The following CHL1 variants were observed in gnomAD, a reference collection of about 807,000 sequenced individuals.
CHL1 encodes neural cell adhesion molecule L1-like protein.
CHL1 carries 96 observed loss-of-function variants against 141.9 expected under a neutral mutation model. The observed-to-expected ratio is 0.68, with a 90% confidence interval of 0.57 to 0.80. CHL1 has a LOEUF of 0.80. Ranked by LOEUF, CHL1 falls within the 30% of genes least tolerant of loss-of-function variation. The pLI is 0.00. For synonymous variants in CHL1, 613 were observed against 502.2 expected (o/e 1.22, Z -2.95); for missense variants, 1,820 against 1,457.2 (o/e 1.25, Z -4.05).
chr3:354,283 T>C (rs1005454806), intron 10 of CHL1, among the ~76,000 whole-genome samples: 1 of 152,188 alleles, frequency 6.6e-6, no homozygotes, highest in Non-Finnish European at 1.5e-5. Context: ...AAATAACCTG[T>C]AGTGAGCTCT....
At chr3:345,365 C>A (rs1261191812) in intron 9 of CHL1, among the ~76,000 whole-genome samples, 1 of 152,020 alleles carries the variant, frequency 6.6e-6, no homozygotes, top group Non-Finnish European at 1.5e-5. Context: ...ACATGGAGGT[C>A]CAGACCATGT....
At chr3:215,793 C>T (rs1316575135) in intron 1 of CHL1, among the ~76,000 whole-genome samples, 1 of 152,092 alleles carries the variant, frequency 6.6e-6, no homozygotes, top group African/African-American at 2.4e-5. Context: ...ATTGAAGCAT[C>T]TCTTTCAAGA....
chr3:354,712 A>G lies in CHL1; in HGVS notation c.1106A>G (p.Glu369Gly). The G allele has an allele frequency of 1.2e-6, 2 of 1,614,014 alleles. No homozygotes were observed. The highest frequency in any genetic ancestry group is 1.7e-6 in the Non-Finnish European group (2 of 1,179,926). ...STGSNGILLC[E>G]AEGEPQPTIK... ...GGAAGCAATGGCATCTTGTTATGTGAGGCTGAAGGAGAACCTCAACCCACA... is the reference window on the plus strand; with the variant it reads ...GGAAGCAATGGCATCTTGTTATGTGGGGCTGAAGGAGAACCTCAACCCACA... Residue 369 changes from glutamate to glycine, a missense_variant, in exon 11 of 28, where the codon GAG becomes GGG. Glu to Gly is a moderately conservative substitution (Grantham distance 98, BLOSUM62 -2). Transcript: ENST00000256509.
At chr3:392,723 G>C (rs1175827482) in intron 23 of CHL1, among the ~76,000 whole-genome samples, 2 of 152,192 alleles carry the variant, frequency 1.3e-5, no homozygotes, top group African/African-American at 4.8e-5. Flanking sequence ...ATCAGCTCAA[G>C]ACTTCCAGCA....
chr3:217,460 C>T (rs1700423208), intron 1 of CHL1: 1 of 151,922 alleles, frequency 6.6e-6, no homozygotes, highest in African/African-American at 2.4e-5. Context: ...AAACAAAGGA[C>T]TGTGATAGAA....
At chr3:264,452 A>G (rs1373475591) in intron 2 of CHL1, among the ~76,000 whole-genome samples, 1 of 152,174 alleles carries the variant, frequency 6.6e-6, no homozygotes, top group Non-Finnish European at 1.5e-5. Context: ...AACAACAATG[A>G]GAATACTTGC....
chr3:334,864 G>A (rs1365890039), intron 5 of CHL1, among the ~76,000 whole-genome samples: 1 of 152,140 alleles, frequency 6.6e-6, no homozygotes, highest in Non-Finnish European at 1.5e-5. Flanking sequence ...TTCCCGTTCT[G>A]CATTGCCTTG....
chr3:242,399 A>T (rs9878435), intron 1 of CHL1, among the ~76,000 whole-genome samples: 2 of 140,338 alleles, frequency 1.4e-5, no homozygotes, highest in African/African-American at 2.7e-5. Flanking sequence ...GATCGAGACC[A>T]TCCTGGCTAA....
intron 9 of CHL1, among the ~76,000 whole-genome samples, chr3:346,830 G>A (rs935585887): frequency 2.0e-5 from 3 of 152,048 alleles, no homozygotes; most frequent in African/African-American, 7.2e-5. Context: ...ACCTCCTATA[G>A]TAACAAAAAT....
At chr3:244,399 C>T (rs1692962103) in intron 1 of CHL1, among the ~76,000 whole-genome samples, 1 of 152,178 alleles carries the variant, frequency 6.6e-6, no homozygotes, top group Non-Finnish European at 1.5e-5. Context: ...TGCCTGCCCT[C>T]TCTCCTCCTT....
chr3:381,555 C>T (rs534485793), intron 16 of CHL1, among the ~76,000 whole-genome samples: 2 of 152,266 alleles, frequency 1.3e-5, no homozygotes, highest in East Asian at 3.9e-4. Flanking sequence ...TTACACATTG[C>T]TTTATGCCTA....
intron 23 of CHL1, among the ~76,000 whole-genome samples, chr3:393,824 AGTTT>A (rs1275304652): frequency 2.0e-5 from 3 of 152,096 alleles, no homozygotes; most frequent in African/African-American, 4.8e-5. Flanking sequence ...TTGAATGCCT[AGTTT>A]GTTTGTTTTT....
At chr3:268,876 TA>T (rs1389708645) in intron 2 of CHL1, among the ~76,000 whole-genome samples, 6 of 152,216 alleles carry the variant, frequency 3.9e-5, no homozygotes, top group Non-Finnish European at 8.8e-5. Flanking sequence ...AATACAGGGT[TA>T]AAGGCAGAGC....
intron 1 of CHL1, among the ~76,000 whole-genome samples, chr3:216,734 A>C (rs533455023): frequency 6.6e-6 from 1 of 152,358 alleles, no homozygotes; most frequent in South Asian, 2.1e-4. Context: ...GAGGCTGCTA[A>C]ATATGGCCAA....
At chr3:216,274 T>C (rs1700312576) in intron 1 of CHL1, among the ~76,000 whole-genome samples, 1 of 152,210 alleles carries the variant, frequency 6.6e-6, no homozygotes, top group Non-Finnish European at 1.5e-5. Flanking sequence ...AACTATATCT[T>C]TAAGGGTGTT....
chr3:248,612 T>C (rs1272343000), intron 2 of CHL1: 2 of 152,224 alleles, frequency 1.3e-5, no homozygotes, highest in Admixed American at 6.6e-5. Flanking sequence ...GTTTCCTCTG[T>C]CCCTCTGTTT....
At chr3:270,851 C>G (rs1375102937) in intron 2 of CHL1, among the ~76,000 whole-genome samples, 1 of 152,198 alleles carries the variant, frequency 6.6e-6, no homozygotes, top group Non-Finnish European at 1.5e-5. Flanking sequence ...GAGCTGTGGA[C>G]TTGAGGGTGC....
chr3:201,974 C>G (rs751406988), intron 1 of CHL1, among the ~76,000 whole-genome samples: 8 of 152,142 alleles, frequency 5.3e-5, no homozygotes, highest in Non-Finnish European at 7.3e-5. Flanking sequence ...TCCTTTTATG[C>G]ATCTCATAAA....
At chr3:242,314 T>TA (rs1692659147) in intron 1 of CHL1, among the ~76,000 whole-genome samples, 1 of 151,386 alleles carries the variant, frequency 6.6e-6, no homozygotes, top group South Asian at 2.1e-4. Flanking sequence ...ATACAGAGAC[T>TA]GGCTGAGCGC....
Sources: gnomAD v4.1 joint callset for allele counts (sites outside exome capture counted in the v4.1 genomes callset) on GRCh38, gnomAD v4.1.1 for gene constraint, MANE v1.5 for transcripts, NCBI Gene and HGNC (gene_info 2026-07-23, HGNC 2026-07-21) for gene names.